Variants in SNTB1 observed in about 807,000 individuals in gnomAD.
SNTB1 encodes syntrophin beta 1, also known as beta-1-syntrophin.
Under a neutral mutation model 48.9 loss-of-function variants are expected in SNTB1, and 36 were observed. That is an observed-to-expected ratio of 0.74 (90% CI 0.56 to 0.97). The LOEUF is 0.97. Ranked by LOEUF, SNTB1 falls within the 50% of genes least tolerant of loss-of-function variation. The pLI, the probability that SNTB1 is intolerant of heterozygous loss-of-function variation, is 0.00. For missense variants in SNTB1, 786 were observed against 703.4 expected, an observed-to-expected ratio of 1.12 and a Z score of -1.33; for synonymous variants, 299 against 294.6, an observed-to-expected ratio of 1.01 and a Z score of -0.15.
At chr8:120,754,810 A>G (rs919130812) in intron 1 of SNTB1, among the ~76,000 whole-genome samples, 2 of 152,228 alleles carry the variant, frequency 1.3e-5, no homozygotes, top group Non-Finnish European at 2.9e-5. Flanking sequence ...CATGAGTTTA[A>G]GAATTCAATT....
At chr8:120,709,712 C>T (rs117248095) in intron 1 of SNTB1, among the ~76,000 whole-genome samples, 170 of 152,238 alleles carry the variant, frequency 1.1e-3, no homozygotes, top group Non-Finnish European at 2.0e-3. Context: ...TTTCCTCTTT[C>T]CCACTGTGTT....
At chr8:120,670,855 C>G (rs556262699) in intron 2 of SNTB1, among the ~76,000 whole-genome samples, 38 of 152,146 alleles carry the variant, frequency 2.5e-4, no homozygotes, top group Non-Finnish European at 4.3e-4. Flanking sequence ...TCTAGCAGCC[C>G]CATAATGTAG....
chr8:120,685,399 T>G (rs752998471), intron 2 of SNTB1, among the ~76,000 whole-genome samples: 3 of 152,226 alleles, frequency 2.0e-5, no homozygotes, highest in Admixed American at 6.5e-5. Context: ...CCCTGTGTAT[T>G]GGTGTAGTGG....
intron 3 of SNTB1, among the ~76,000 whole-genome samples, chr8:120,590,332 T>A (rs1816218988): frequency 1.3e-5 from 2 of 152,330 alleles, no homozygotes; most frequent in South Asian, 2.1e-4. Context: ...AGTTAAAGAA[T>A]CATGAGGCTT....
chr8:120,594,277 G>T (rs113171983), intron 3 of SNTB1, among the ~76,000 whole-genome samples: 1 of 151,968 alleles, frequency 6.6e-6, no homozygotes, highest in African/African-American at 2.4e-5. Flanking sequence ...CTCTCTTGTT[G>T]CCCAGGCTGG....
intron 1 of SNTB1, among the ~76,000 whole-genome samples, chr8:120,801,962 T>C (rs1227169798): frequency 6.6e-6 from 1 of 152,136 alleles, no homozygotes; most frequent in African/African-American, 2.4e-5. Context: ...ATGGGTCTAT[T>C]TCTCATTTTT....
At chr8:120,699,350 A>G (rs538136020) in intron 1 of SNTB1, among the ~76,000 whole-genome samples, 1 of 152,340 alleles carries the variant, frequency 6.6e-6, no homozygotes, top group South Asian at 2.1e-4. Context: ...GTATTGGATC[A>G]TGAGGACAGA....
At chr8:120,679,808 A>G (rs1259598054) in intron 2 of SNTB1, among the ~76,000 whole-genome samples, 2 of 151,792 alleles carry the variant, frequency 1.3e-5, no homozygotes, top group African/African-American at 4.8e-5. Context: ...TCAAGTTATA[A>G]AGTGGCTTAG....
intron 3 of SNTB1, among the ~76,000 whole-genome samples, chr8:120,617,873 T>G (rs1816739958): frequency 6.6e-6 from 1 of 152,238 alleles, no homozygotes; most frequent in African/African-American, 2.4e-5. Context: ...ATATACTGCC[T>G]TTGAAGGCGA....
intron 3 of SNTB1, among the ~76,000 whole-genome samples, chr8:120,585,801 G>A (rs921505191): frequency 1.3e-5 from 2 of 152,182 alleles, no homozygotes; most frequent in African/African-American, 4.8e-5. Flanking sequence ...AAACAGTGAA[G>A]CCAATGTAAT....
intron 3 of SNTB1, among the ~76,000 whole-genome samples, chr8:120,599,499 G>A (rs1215753921): frequency 2.0e-5 from 3 of 152,108 alleles, no homozygotes; most frequent in African/African-American, 7.2e-5. Flanking sequence ...AAATAAATCT[G>A]AAGAATTAAA....
At chr8:120,764,449 A>G (rs1001071207) in intron 1 of SNTB1, among the ~76,000 whole-genome samples, 3 of 152,236 alleles carry the variant, frequency 2.0e-5, no homozygotes, top group African/African-American at 7.2e-5. Context: ...AAATTTAAAT[A>G]GTGGGTAGTC....
chr8:120,758,285 A>T (rs1382949077), intron 1 of SNTB1, among the ~76,000 whole-genome samples: 1 of 152,184 alleles, frequency 6.6e-6, no homozygotes, highest in Non-Finnish European at 1.5e-5. Context: ...CAAACCCAAG[A>T]TCCCTGACTA....
At chr8:120,669,743 C>T (rs1225549062) in intron 2 of SNTB1, among the ~76,000 whole-genome samples, 1 of 35,860 alleles carries the variant, frequency 2.8e-5, no homozygotes, top group Admixed American at 2.5e-4. Context: ...TGAGCCACCG[C>T]GCCCGGCCGA....
chr8:120,541,899 T>C lies in SNTB1; in HGVS notation c.1435A>G (p.Ile479Val). 1 of 1,614,014 alleles carries C rather than the reference T, an allele frequency of 6.2e-7. No homozygotes were observed. Among genetic ancestry groups the C allele is most frequent in the South Asian group, 1.1e-5 (1 of 91,082 alleles). Residue 479 changes from isoleucine (I) to valine (V), a missense_variant, in exon 6 of 7, where the codon ATA becomes GTA. Ile to Val is a conservative substitution (Grantham distance 29, BLOSUM62 3). Transcript: ENST00000517992. ...TTGAGCTTTTCATAAGGAGACTGTA[T>C]GATGGTCTTGGGAAAGGCACCCTCC... ...PQEGAFPKTI[I>V]QSPYEKLKMS... is the part of the protein sequence containing the mutation.
intron 1 of SNTB1, among the ~76,000 whole-genome samples, chr8:120,753,226 GT>G (rs1231191539): frequency 6.6e-6 from 1 of 152,026 alleles, no homozygotes. Context: ...AGGAAAAATG[GT>G]TAAGTGTATC....
chr8:120,741,225 T>A (rs926839716), intron 1 of SNTB1, among the ~76,000 whole-genome samples: 1 of 152,184 alleles, frequency 6.6e-6, no homozygotes, highest in Non-Finnish European at 1.5e-5. Flanking sequence ...TGGCAACGAG[T>A]CATTGATTTT....
chr8:120,539,648 A>T (rs1221795825), intron 6 of SNTB1, among the ~76,000 whole-genome samples: 1 of 152,196 alleles, frequency 6.6e-6, no homozygotes. Context: ...GTCCTTCAGA[A>T]GTTGAATTTT....
intron 1 of SNTB1, among the ~76,000 whole-genome samples, chr8:120,730,588 CCTT>C (rs1229830461): frequency 6.6e-6 from 1 of 152,190 alleles, no homozygotes; most frequent in Non-Finnish European, 1.5e-5. Flanking sequence ...AAGCATTACA[CCTT>C]CTTACGTCTC....
Sources: gnomAD v4.1 joint callset for allele counts (sites outside exome capture counted in the v4.1 genomes callset) on GRCh38, gnomAD v4.1.1 for gene constraint, MANE v1.5 for transcripts, NCBI Gene and HGNC (gene_info 2026-07-23, HGNC 2026-07-21) for gene names.